Variants in CCDC138 observed in about 807,000 individuals in gnomAD.
The protein encoded by CCDC138 is coiled-coil domain-containing protein 138.
CCDC138 carries 66 observed loss-of-function variants against 82.3 expected under a neutral mutation model. That is an observed-to-expected ratio of 0.80 (90% CI 0.66 to 0.98). The LOEUF (loss-of-function observed/expected upper bound fraction) is 0.98, where lower values mean the gene tolerates loss of function less well. CCDC138 is among the 50% of genes least tolerant of loss of function. The pLI, the probability that CCDC138 is intolerant of heterozygous loss-of-function variation, is 0.00. For missense variants in CCDC138, 816 were observed against 758.9 expected (o/e 1.08, Z -0.88); for synonymous variants, 297 against 265.4 (o/e 1.12, Z -1.16).
chr2:108,795,533 T>A (rs996758883), intron 5 of CCDC138, among the ~76,000 whole-genome samples: 6 of 152,254 alleles, frequency 3.9e-5, no homozygotes, highest in African/African-American at 1.4e-4. Flanking sequence ...GCGCAGTATC[T>A]GTTTGAAATT....
chr2:108,864,598 G>T (rs4676211), intron 13 of CCDC138, among the ~76,000 whole-genome samples: 1 of 152,080 alleles, frequency 6.6e-6, no homozygotes, highest in Non-Finnish European at 1.5e-5. Context: ...GAGATCGAGA[G>T]CAGCCTGGCT....
chr2:108,876,504 T>G lies in CCDC138; in HGVS notation c.*251T>G. 3.8e-6 allele frequency: 1 copy of G among 261,746 alleles called. No homozygotes were observed. The highest frequency in any genetic ancestry group is 7.1e-6 in the Non-Finnish European group (1 of 140,814). 16.2% of individuals were successfully genotyped at this position (261,746 alleles called of 1,614,324 possible). On this transcript the variant is annotated 3_prime_UTR_variant, in exon 15 of 15. Transcript: ENST00000295124. ...AATGTATGACACTGAAGTGACTTTT[T>G]GTAAAAATATATTAGGAAAATTATT...
chr2:108,881,523 A>G (rs1696291262), downstream of CCDC138, among the ~76,000 whole-genome samples: 1 of 152,154 alleles, frequency 6.6e-6, no homozygotes, highest in South Asian at 2.1e-4. Flanking sequence ...CTTTGCTTTC[A>G]CAACTTCGTA....
intron 1 of CCDC138, among the ~76,000 whole-genome samples, chr2:108,787,598 A>G (rs1230252006): frequency 1.3e-5 from 2 of 152,220 alleles, no homozygotes; most frequent in Non-Finnish European, 1.5e-5. Context: ...TTTTATAGGA[A>G]AATTTTTTCC....
At chr2:108,849,579 CTTG>C (rs1384899922) in intron 12 of CCDC138, among the ~76,000 whole-genome samples, 4 of 152,154 alleles carry the variant, frequency 2.6e-5, no homozygotes, top group African/African-American at 9.7e-5. Context: ...TCCCTTCACA[CTTG>C]TTGTGAACGA....
chr2:108,799,670 T>A (rs575939230), intron 6 of CCDC138, among the ~76,000 whole-genome samples: 4 of 152,342 alleles, frequency 2.6e-5, no homozygotes, highest in African/African-American at 4.8e-5. Flanking sequence ...GAAATTTCTG[T>A]CTTTGGCCAA....
intron 11 of CCDC138, among the ~76,000 whole-genome samples, chr2:108,841,259 A>T (rs1373551512): frequency 6.6e-6 from 1 of 152,308 alleles, no homozygotes; most frequent in Admixed American, 6.5e-5. Flanking sequence ...AGTGTTGCAT[A>T]AATGTCAATT....
chr2:108,789,163 G>T (rs1313717948), intron 3 of CCDC138, among the ~76,000 whole-genome samples, 197 bp downstream of exon 3: 2 of 152,156 alleles, frequency 1.3e-5, no homozygotes, highest in African/African-American at 4.8e-5. Context: ...TAAAAGCATA[G>T]ACCTAGCATT....
At chr2:108,880,782 T>A (rs1442831244), downstream of CCDC138, among the ~76,000 whole-genome samples, 1 of 152,186 alleles carries the variant, frequency 6.6e-6, no homozygotes, top group Non-Finnish European at 1.5e-5. Context: ...ACATTACCAC[T>A]TACTAACAGT....
At chr2:108,862,849 G>A (rs147357701) in intron 13 of CCDC138, among the ~76,000 whole-genome samples, 1 of 152,120 alleles carries the variant, frequency 6.6e-6, no homozygotes, top group Non-Finnish European at 1.5e-5. Context: ...ATATTTGCAG[G>A]TAGGCTATGT....
At chr2:108,823,234 C>A (rs537202083) in intron 10 of CCDC138, among the ~76,000 whole-genome samples, 1 of 152,310 alleles carries the variant, frequency 6.6e-6, no homozygotes, top group South Asian at 2.1e-4. Context: ...AACACCCATC[C>A]TCCTCATATT....
chr2:108,850,743 G>A (rs1234117823), intron 12 of CCDC138, among the ~76,000 whole-genome samples: 2 of 152,138 alleles, frequency 1.3e-5, no homozygotes, highest in Non-Finnish European at 2.9e-5. Flanking sequence ...GAGCCACTGC[G>A]CCTGGCCAGT....
At chr2:108,879,939 A>T (rs956995678), downstream of CCDC138, among the ~76,000 whole-genome samples, 11 of 152,216 alleles carry the variant, frequency 7.2e-5, 1 homozygote, top group Admixed American at 5.2e-4. Flanking sequence ...TATTTTCAGC[A>T]GGGTGGTGGA....
chr2:108,878,339 G>T, downstream of CCDC138: 1 of 198,768 alleles, frequency 5.0e-6, no homozygotes, highest in South Asian at 9.9e-5. Context: ...AGGGTCAAGT[G>T]ATTTCAGGCC....
At chr2:108,794,790 T>G (rs1680581023) in intron 5 of CCDC138, 69 bp downstream of exon 5, 2 of 1,069,126 alleles carry the variant, frequency 1.9e-6, no homozygotes, top group Non-Finnish European at 2.6e-6. Context: ...TTTACGAAAT[T>G]TGAATATAAT....
intron 12 of CCDC138, among the ~76,000 whole-genome samples, chr2:108,849,000 A>C (rs1282008295): frequency 6.6e-6 from 1 of 152,198 alleles, no homozygotes; most frequent in South Asian, 2.1e-4. Context: ...AAAGGAAAAC[A>C]TGAGCCTGGT....
intron 10 of CCDC138, among the ~76,000 whole-genome samples, chr2:108,824,174 TTTC>T (rs1311743012): frequency 6.6e-6 from 1 of 152,176 alleles, no homozygotes; most frequent in African/African-American, 2.4e-5. Flanking sequence ...AAAAAAATTT[TTTC>T]TTCATTAACA....
intron 10 of CCDC138, among the ~76,000 whole-genome samples, chr2:108,826,086 A>G (rs933550811): frequency 2.6e-5 from 4 of 152,136 alleles, no homozygotes; most frequent in Non-Finnish European, 5.9e-5. Flanking sequence ...TCCATTGAGC[A>G]TTTTTAATTG....
chr2:108,856,370 T>C (rs1407077656), intron 12 of CCDC138, among the ~76,000 whole-genome samples: 1 of 152,224 alleles, frequency 6.6e-6, no homozygotes, highest in Non-Finnish European at 1.5e-5. Context: ...TTGTATAAAT[T>C]ACATTTTGAA....
Sources: gnomAD v4.1 joint callset for allele counts (sites outside exome capture counted in the v4.1 genomes callset) on GRCh38, gnomAD v4.1.1 for gene constraint, MANE v1.5 for transcripts, NCBI Gene and HGNC (gene_info 2026-07-23, HGNC 2026-07-21) for gene names.